RBFOX1: variants seen among roughly 807,000 people sequenced by gnomAD.
RBFOX1 encodes the protein RNA binding fox-1 homolog 1, also known as RNA binding protein fox-1 homolog 1.
In RBFOX1, 8 loss-of-function variants were observed where a neutral mutation model predicts 57.7. That is an observed-to-expected ratio of 0.14 (90% CI 0.08 to 0.25). The LOEUF is 0.25. Ranked by LOEUF, RBFOX1 falls within the 10% of genes least tolerant of loss-of-function variation. RBFOX1 has a pLI of 1.00. For synonymous variants in RBFOX1, 326 were observed against 222.4 expected (o/e 1.47, Z -4.15); for missense variants, 611 against 548.5 (o/e 1.11, Z -1.14).
chr16:6,034,476 A>C (rs1444656335), intron 1 of RBFOX1, among the ~76,000 whole-genome samples: 1 of 151,950 alleles, frequency 6.6e-6, no homozygotes, highest in Non-Finnish European at 1.5e-5. Flanking sequence ...CCCGCTCTGC[A>C]TCCAAGATGG....
chr16:5,466,106 C>T (rs892743115), intron 1 of RBFOX1, among the ~76,000 whole-genome samples: 5 of 152,202 alleles, frequency 3.3e-5, no homozygotes, highest in African/African-American at 9.7e-5. Flanking sequence ...TCTTCTCCCA[C>T]TTTAGGTGGG....
chr16:5,273,836 C>T (rs2063076450), intron 1 of RBFOX1, among the ~76,000 whole-genome samples: 1 of 152,044 alleles, frequency 6.6e-6, no homozygotes, highest in Non-Finnish European at 1.5e-5. Flanking sequence ...ACCTGGCTTT[C>T]CAACAGTGTG....
intron 1 of RBFOX1, among the ~76,000 whole-genome samples, chr16:5,408,369 A>G (rs2066920177): frequency 6.6e-6 from 1 of 152,176 alleles, no homozygotes; most frequent in African/African-American, 2.4e-5. Context: ...TTATTGTCAG[A>G]AACTAAGCAA....
At chr16:5,282,900 G>T (rs929250117) in intron 1 of RBFOX1, among the ~76,000 whole-genome samples, 2 of 152,182 alleles carry the variant, frequency 1.3e-5, no homozygotes, top group African/African-American at 2.4e-5. Flanking sequence ...CCCGTCAATG[G>T]GGAAAATGTC....
intron 1 of RBFOX1, among the ~76,000 whole-genome samples, chr16:5,451,741 C>T (rs779003655): frequency 6.6e-6 from 1 of 152,190 alleles, no homozygotes; most frequent in Non-Finnish European, 1.5e-5. Context: ...GTTCCACATA[C>T]GGATACCTCT....
chr16:7,698,689 G>A (rs2079611208), intron 14 of RBFOX1, among the ~76,000 whole-genome samples: 1 of 152,158 alleles, frequency 6.6e-6, no homozygotes, highest in South Asian at 2.1e-4. Context: ...TTGTCATGCA[G>A]TAAATTGATT....
At chr16:7,577,953 A>G (rs79897363) in intron 5 of RBFOX1, among the ~76,000 whole-genome samples, 19 of 152,356 alleles carry the variant, frequency 1.2e-4, no homozygotes, top group East Asian at 1.2e-3. Context: ...GTTTTTCTCT[A>G]TTGGTGTCAT....
chr16:7,665,581 T>A (rs1253301802), intron 13 of RBFOX1, among the ~76,000 whole-genome samples: 3 of 152,182 alleles, frequency 2.0e-5, no homozygotes, highest in Non-Finnish European at 2.9e-5. Context: ...CACTTTAAGT[T>A]TATTTTTAGA....
At chr16:7,134,545 C>G (rs1015760489) in intron 4 of RBFOX1, among the ~76,000 whole-genome samples, 1 of 152,136 alleles carries the variant, frequency 6.6e-6, no homozygotes, top group African/African-American at 2.4e-5. Flanking sequence ...ATTTCATTCA[C>G]AGTTTCCAAA....
At chr16:7,492,350 T>G (rs2067209398) in intron 4 of RBFOX1, among the ~76,000 whole-genome samples, 1 of 152,000 alleles carries the variant, frequency 6.6e-6, no homozygotes, top group South Asian at 2.1e-4. Context: ...CTTAGTGAAT[T>G]TAATGATGTG....
At chr16:5,795,108 C>T (rs186041962) in intron 3 of RBFOX1, among the ~76,000 whole-genome samples, 1 of 152,126 alleles carries the variant, frequency 6.6e-6, no homozygotes, top group African/African-American at 2.4e-5. Flanking sequence ...AAAGAAATAC[C>T]TACCTTATTA....
chr16:7,315,599 C>T (rs997056861), intron 4 of RBFOX1, among the ~76,000 whole-genome samples: 2 of 151,612 alleles, frequency 1.3e-5, no homozygotes, highest in African/African-American at 4.9e-5. Flanking sequence ...AGCAAATATT[C>T]ATTGTGGAAG....
intron 6 of RBFOX1, among the ~76,000 whole-genome samples, chr16:7,581,601 A>G (rs1232980251): frequency 6.6e-6 from 1 of 152,044 alleles, no homozygotes; most frequent in Non-Finnish European, 1.5e-5. Flanking sequence ...CAGGAATCAG[A>G]GAAGGGATCC....
intron 3 of RBFOX1, among the ~76,000 whole-genome samples, chr16:6,934,843 T>C (rs1029460862): frequency 3.3e-5 from 5 of 152,104 alleles, no homozygotes; most frequent in Non-Finnish European, 7.4e-5. Flanking sequence ...CCCAGCACTT[T>C]GGAAGGCCGA....
intron 1 of RBFOX1, among the ~76,000 whole-genome samples, chr16:6,081,351 A>T (rs1472092064): frequency 1.3e-5 from 2 of 152,166 alleles, no homozygotes; most frequent in African/African-American, 2.4e-5. Flanking sequence ...TTAGTATAAC[A>T]TTCCGGAGTT....
chr16:5,888,585 C>T (rs550337591), intron 4 of RBFOX1, among the ~76,000 whole-genome samples: 41 of 152,114 alleles, frequency 2.7e-4, no homozygotes, highest in Non-Finnish European at 4.9e-4. Flanking sequence ...AATCTGAGGT[C>T]AGGAGTTCAA....
chr16:7,676,846 T>C lies in RBFOX1; in HGVS notation c.995+8T>C. ...CGCTGCCTACAGTGACAGGTAAGGGTCATCCTTCTTGTGCTTGACAACTAC... is the reference window on the plus strand; with the variant it reads ...CGCTGCCTACAGTGACAGGTAAGGGCCATCCTTCTTGTGCTTGACAACTAC... On this transcript the variant is annotated splice_region_variant and intron_variant, in intron 14 of 15. Transcript: ENST00000550418. 2 of 1,608,876 alleles carry C rather than the reference T, an allele frequency of 1.2e-6. No individual in the cohort carries two copies. Among genetic ancestry groups the C allele is most frequent in the South Asian group, 1.1e-5 (1 of 90,962 alleles).
At chr16:6,582,490 C>T (rs1233139390) in intron 2 of RBFOX1, among the ~76,000 whole-genome samples, 1 of 148,190 alleles carries the variant, frequency 6.7e-6, no homozygotes, top group Non-Finnish European at 1.5e-5. Flanking sequence ...TTTAGATGCC[C>T]TTGGACCTCA....
intron 3 of RBFOX1, among the ~76,000 whole-genome samples, chr16:7,032,868 A>T (rs562878502): frequency 6.6e-6 from 1 of 152,296 alleles, no homozygotes; most frequent in African/African-American, 2.4e-5. Context: ...TCTAACTTCC[A>T]GATTCTCAAA....
Sources: gnomAD v4.1 joint callset for allele counts (sites outside exome capture counted in the v4.1 genomes callset) on GRCh38, gnomAD v4.1.1 for gene constraint, MANE v1.5 for transcripts, NCBI Gene and HGNC (gene_info 2026-07-23, HGNC 2026-07-21) for gene names.